GABRR2: variants seen among roughly 807,000 people sequenced by gnomAD.
GABRR2 encodes gamma-aminobutyric acid receptor subunit rho-2.
Under a neutral mutation model 47.0 loss-of-function variants are expected in GABRR2, and 36 were observed. That is an observed-to-expected ratio of 0.77 (90% confidence interval 0.59 to 1.01). The LOEUF is 1.01. Among genes scored for constraint, GABRR2 ranks in the 50% least tolerant of loss-of-function variants. GABRR2 has a pLI of 0.00. For missense variants in GABRR2, 587 were observed against 594.6 expected (o/e 0.99, Z 0.13); for synonymous variants, 204 against 227.5 (o/e 0.90, Z 0.93).
intron 2 of GABRR2, among the ~76,000 whole-genome samples, chr6:89,298,913 T>C (rs1562385109): frequency 6.6e-6 from 1 of 152,162 alleles, no homozygotes; most frequent in Non-Finnish European, 1.5e-5. Context: ...CCACCCACTA[T>C]GTGAGGTTAC....
At chr6:89,277,870 G>A (rs905921399) in intron 2 of GABRR2, among the ~76,000 whole-genome samples, 1 of 102,672 alleles carries the variant, frequency 9.7e-6, no homozygotes, top group Non-Finnish European at 2.1e-5. Context: ...GGCGGGGGTG[G>A]GGGGGGGTGG....
intron 3 of GABRR2, 140 bp from the exon 4 acceptor site, chr6:89,269,374 A>G: frequency 1.5e-6 from 1 of 680,386 alleles, no homozygotes; most frequent in Non-Finnish European, 2.6e-6. Flanking sequence ...GCCCTGTGGC[A>G]GGATGGCACT....
chr6:89,281,146 G>C (rs993743570), intron 2 of GABRR2, among the ~76,000 whole-genome samples: 5 of 152,220 alleles, frequency 3.3e-5, no homozygotes, highest in African/African-American at 7.2e-5. Flanking sequence ...GTTCATACCT[G>C]TCCTGACTGT....
intron 1 of GABRR2, chr6:89,302,399 A>G: frequency 1.8e-6 from 1 of 567,018 alleles, no homozygotes; most frequent in Non-Finnish European, 3.5e-6. Context: ...GCGCTCTAGG[A>G]CATCTGCGTC....
chr6:89,285,349 C>T (rs931644299), intron 2 of GABRR2, among the ~76,000 whole-genome samples: 1 of 152,218 alleles, frequency 6.6e-6, no homozygotes, highest in South Asian at 2.1e-4. Context: ...TTAATTTGAA[C>T]TGTTGGCAAT....
intron 2 of GABRR2, among the ~76,000 whole-genome samples, chr6:89,279,255 C>T (rs977519060): frequency 1.3e-5 from 2 of 152,106 alleles, no homozygotes; most frequent in African/African-American, 2.4e-5. Context: ...CCATCATCCT[C>T]GTGTTGAGAT....
At chr6:89,291,534 C>G (rs1031308884) in intron 2 of GABRR2, among the ~76,000 whole-genome samples, 1 of 151,910 alleles carries the variant, frequency 6.6e-6, no homozygotes, top group East Asian at 1.9e-4. Flanking sequence ...CCTGACACTT[C>G]GCTGCTTCCT....
intron 1 of GABRR2, chr6:89,301,868 G>T: frequency 8.7e-7 from 1 of 1,144,386 alleles, no homozygotes; most frequent in East Asian, 2.4e-5. Flanking sequence ...GATGAGCATG[G>T]CATAGACCCC....
chr6:89,294,547 A>T (rs1485828285), intron 2 of GABRR2, among the ~76,000 whole-genome samples: 2 of 152,096 alleles, frequency 1.3e-5, no homozygotes, highest in Non-Finnish European at 2.9e-5. Context: ...ATATTGAGGG[A>T]CATCTTTGCT....
chr6:89,310,536 G>T (rs551431913), intron 1 of GABRR2, among the ~76,000 whole-genome samples: 1 of 152,084 alleles, frequency 6.6e-6, no homozygotes, highest in Non-Finnish European at 1.5e-5. Context: ...CACCTAAGTT[G>T]ATGGCTTAAA....
chr6:89,297,246 T>C (rs1351328460), intron 2 of GABRR2, among the ~76,000 whole-genome samples: 1 of 152,256 alleles, frequency 6.6e-6, no homozygotes, highest in African/African-American at 2.4e-5. Context: ...GCTTAAAAGT[T>C]TGTTTTTCTT....
At chr6:89,301,979 G>C (rs1045830034) in intron 1 of GABRR2, 11 of 785,030 alleles carry the variant, frequency 1.4e-5, no homozygotes, top group Non-Finnish European at 6.7e-6. Context: ...GCCATTCGTC[G>C]ACCTGGAGCC....
intron 4 of GABRR2, among the ~76,000 whole-genome samples, chr6:89,268,314 G>T (rs1773957292): frequency 6.6e-6 from 1 of 152,232 alleles, no homozygotes; most frequent in African/African-American, 2.4e-5. Context: ...TACTGGGCTG[G>T]TGCTCCCCTT....
chr6:89,269,175 G>A lies in GABRR2; in HGVS notation c.348C>T (p.Ser116=). The A allele has an allele frequency of 6.2e-7, 1 of 1,614,062 alleles. No homozygotes were observed. Among genetic ancestry groups the A allele is most frequent in the Non-Finnish European group, 8.5e-7 (1 of 1,179,904 alleles). ...HYWKDERLAF[S]SASNKSMTFD... is the part of the protein sequence containing the mutation. ...AGGTCATGCTCTTGTTGCTGGCGCT[G>A]GAGAAAGCTAGCCTCTCATCCTTCC... Residue 116 remains serine, a synonymous_variant, in exon 4 of 9, where the codon TCC becomes TCT. Coordinates refer to ENST00000402938, the MANE Select transcript of GABRR2 (RefSeq NM_002043.5).
intron 2 of GABRR2, among the ~76,000 whole-genome samples, chr6:89,289,534 CAG>C (rs1774399270): frequency 1.3e-5 from 2 of 152,136 alleles, no homozygotes; most frequent in East Asian, 1.9e-4. Flanking sequence ...AAGATTTTTT[CAG>C]AGAGGGCGCA....
chr6:89,275,516 C>T (rs542971507), intron 2 of GABRR2, among the ~76,000 whole-genome samples: 9 of 152,230 alleles, frequency 5.9e-5, no homozygotes, highest in Middle Eastern at 3.4e-3. Flanking sequence ...TCAAGTGATC[C>T]GCCCGCCTCA....
intron 1 of GABRR2, among the ~76,000 whole-genome samples, chr6:89,303,501 T>A (rs1767497276): frequency 6.6e-6 from 1 of 152,046 alleles, no homozygotes; most frequent in Non-Finnish European, 1.5e-5. Context: ...ATCATTAAAA[T>A]GGTCATACTG....
At chr6:89,309,571 T>C (rs1384264815) in intron 1 of GABRR2, among the ~76,000 whole-genome samples, 1 of 152,222 alleles carries the variant, frequency 6.6e-6, no homozygotes, top group Admixed American at 6.5e-5. Context: ...ATTTCCTTTT[T>C]TAAAAAAATG....
chr6:89,313,898 CAG>C (rs1185842947), intron 1 of GABRR2, among the ~76,000 whole-genome samples: 1 of 152,062 alleles, frequency 6.6e-6, no homozygotes, highest in Non-Finnish European at 1.5e-5. Flanking sequence ...GCCTGGGTGA[CAG>C]AGAGTCCATC....
Sources: gnomAD v4.1 joint callset for allele counts (sites outside exome capture counted in the v4.1 genomes callset) on GRCh38, gnomAD v4.1.1 for gene constraint, MANE v1.5 for transcripts, NCBI Gene and HGNC (gene_info 2026-07-23, HGNC 2026-07-21) for gene names.